The following SESTD1 variants were observed in gnomAD, a reference collection of about 807,000 sequenced individuals.
SESTD1 encodes the protein SEC14 domain and spectrin repeat-containing protein 1.
SESTD1 carries 43 observed loss-of-function variants against 101.7 expected under a neutral mutation model. The observed-to-expected ratio is 0.42, with a 90% CI of 0.33 to 0.55. The LOEUF is 0.55. SESTD1 is among the 20% of genes least tolerant of loss of function. The pLI is 0.07. For synonymous variants in SESTD1, 283 were observed against 286.8 expected (o/e 0.99, Z 0.13); for missense variants, 647 against 815.1 (o/e 0.79, Z 2.51).
chr2:179,140,873 C>T (rs1030120840), intron 9 of SESTD1, among the ~76,000 whole-genome samples: 6 of 152,272 alleles, frequency 3.9e-5, no homozygotes, highest in African/African-American at 7.2e-5. Flanking sequence ...TGCTTTCTTC[C>T]CTTGGTTTCC....
rs201362761 is a variant in SESTD1 at position 179,253,683 on chromosome 2, T to TA, written c.-26+10815dup. Among the ~76,000 whole-genome samples the TA allele has an allele frequency of 4.6e-3, 707 of 152,258 alleles. 2 individuals are homozygous for TA. Among genetic ancestry groups the TA allele is most frequent in the African/African-American group, 0.016 (680 of 41,554 alleles). ...TAAAAAGGATGGGAAATCATATGCA[T>TA]ATATATAAAATATTTCTGAAAGAAT... On this transcript the variant is annotated intron_variant, in intron 1 of 17. Coordinates refer to ENST00000428443, the MANE Select transcript of SESTD1 (RefSeq NM_178123.5).
intron 1 of SESTD1, among the ~76,000 whole-genome samples, chr2:179,252,040 A>G (rs1304964381): frequency 6.6e-6 from 1 of 152,242 alleles, no homozygotes; most frequent in East Asian, 1.9e-4. Flanking sequence ...AAAGTATTAC[A>G]GAGAAGAGCA....
rs2046718383 is a variant in SESTD1, at chr2:179,216,251, C to A, written c.-25-24385G>T. ...ATTTAGAAAACCCCACTGTCTCAGC[C>A]CAAAATCTCCTTAAGCTGATAAGCA... On this transcript the variant is annotated intron_variant, in intron 1 of 17. Transcript: ENST00000428443. Among the ~76,000 whole-genome samples, 6 of 134,918 alleles carry A rather than the reference C, an allele frequency of 4.4e-5. 2 individuals are homozygous for A. 88.5% of individuals were successfully genotyped at this position (134,918 alleles called of 152,430 possible). A position where few individuals can be genotyped will look rare whatever the true frequency, so the allele number is the denominator to read the frequency against.
intron 1 of SESTD1, among the ~76,000 whole-genome samples, chr2:179,232,921 A>G (rs558784727): frequency 6.6e-6 from 1 of 152,318 alleles, no homozygotes; most frequent in South Asian, 2.1e-4. Flanking sequence ...AGATGAGTGG[A>G]GAAGTGGTAG....
rs1355413229 is a variant in SESTD1 at position 179,117,580 on chromosome 2, C to T, written c.1476G>A (p.Lys492=). ...TAAACAACTGCACCATCTGAAGCAT[C>T]TTTAACCTTCGCACATCTACCATGT... is the stretch of plus-strand genomic sequence containing the variant. ...CEDMVDVRRL[K]MLQMVQLFKC... Residue 492 remains lysine, a synonymous_variant, in exon 14 of 18, where the codon AAG becomes AAA. Coordinates refer to ENST00000428443, the MANE Select transcript of SESTD1 (RefSeq NM_178123.5). 1.3e-6 allele frequency: 2 copies of T among 1,587,666 alleles called. No individual in the cohort carries two copies. The highest frequency in any genetic ancestry group is 1.7e-6 in the Non-Finnish European group (2 of 1,171,312).
At chr2:179,206,774 C>T (rs1214651785) in intron 1 of SESTD1, among the ~76,000 whole-genome samples, 1 of 134,200 alleles carries the variant, frequency 7.5e-6, no homozygotes, top group East Asian at 2.0e-4. Context: ...GAGAGCCCTG[C>T]TTGTTTTCTC....
chr2:179,220,518 G>A (rs1297057158), intron 1 of SESTD1, among the ~76,000 whole-genome samples: 1 of 152,106 alleles, frequency 6.6e-6, no homozygotes, highest in East Asian at 1.9e-4. Context: ...TACTGCCACA[G>A]TTCCCTTAGA....
intron 1 of SESTD1, among the ~76,000 whole-genome samples, chr2:179,218,753 C>T (rs551309755): frequency 1.1e-4 from 17 of 152,196 alleles, no homozygotes; most frequent in Admixed American, 6.5e-4. Context: ...AAAATAAAGG[C>T]AACCAAGGTG....
chr2:179,130,051 T>A (rs184151568), intron 10 of SESTD1, among the ~76,000 whole-genome samples: 1 of 152,286 alleles, frequency 6.6e-6, no homozygotes, highest in African/African-American at 2.4e-5. Flanking sequence ...AATCTCTTGA[T>A]AGCCATCAAT....
At chr2:179,186,424 A>G (rs1187255133) in intron 2 of SESTD1, among the ~76,000 whole-genome samples, 2 of 152,186 alleles carry the variant, frequency 1.3e-5, no homozygotes, top group African/African-American at 4.8e-5. Flanking sequence ...TGAACAGCAA[A>G]GAGTGAAAAC....
chr2:179,195,847 T>A (rs1276807312), intron 1 of SESTD1, among the ~76,000 whole-genome samples: 1 of 150,210 alleles, frequency 6.7e-6, no homozygotes, highest in East Asian at 1.9e-4. Flanking sequence ...AGGAAGGTTA[T>A]TTAAAAAAAA....
chr2:179,182,550 T>C (rs1028972054), intron 3 of SESTD1, among the ~76,000 whole-genome samples: 1 of 152,028 alleles, frequency 6.6e-6, no homozygotes, highest in African/African-American at 2.4e-5. Flanking sequence ...GTTGAAGTCA[T>C]GGGTAGACTA....
chr2:179,212,836 G>C (rs1014870185), intron 1 of SESTD1, among the ~76,000 whole-genome samples: 1 of 134,954 alleles, frequency 7.4e-6, no homozygotes, highest in Non-Finnish European at 1.6e-5. Flanking sequence ...GCCTCCGCTG[G>C]TGATACCCAG....
chr2:179,247,600 A>AT (rs67407067), intron 1 of SESTD1, among the ~76,000 whole-genome samples: 147,445 of 149,208 alleles, frequency 0.99, 72,856 homozygotes, highest in Middle Eastern at 1. Context: ...AATTTGTTAA[A>AT]TTTTTTTTTT....
chr2:179,233,979 G>C (rs2047023372), intron 1 of SESTD1, among the ~76,000 whole-genome samples: 1 of 152,114 alleles, frequency 6.6e-6, no homozygotes, highest in Non-Finnish European at 1.5e-5. Context: ...CCAGGTATTT[G>C]GTTAAACATT....
At chr2:179,159,832 A>G (rs2045701265) in intron 5 of SESTD1, among the ~76,000 whole-genome samples, 1 of 150,780 alleles carries the variant, frequency 6.6e-6, no homozygotes, top group Middle Eastern at 3.2e-3. Context: ...CCGGCAAAGA[A>G]GAAAAAAACA....
intron 1 of SESTD1, among the ~76,000 whole-genome samples, chr2:179,194,451 G>T (rs1279038190): frequency 6.6e-6 from 1 of 152,074 alleles, no homozygotes; most frequent in East Asian, 1.9e-4. Context: ...TTTCATGAAG[G>T]AATTTACAGG....
intron 3 of SESTD1, among the ~76,000 whole-genome samples, chr2:179,177,972 A>T (rs1575463825): frequency 6.6e-6 from 1 of 152,250 alleles, no homozygotes; most frequent in Non-Finnish European, 1.5e-5. Context: ...GAATGATTCC[A>T]TTTATATGAA....
rs1480230910 is a variant in SESTD1, at chr2:179,105,612, A to G, written c.*4287T>C. ...TCCCATGCTTGTCATGTGAGACAAC[A>G]GAAAGGATAAAGAATACTCTATTTT... On this transcript the variant is annotated 3_prime_UTR_variant, in exon 18 of 18. Coordinates refer to ENST00000428443, the MANE Select transcript of SESTD1 (RefSeq NM_178123.5). 1.3e-5 allele frequency: 2 copies of G among 152,208 alleles called. No individual in the cohort carries two copies. The highest frequency in any genetic ancestry group is 2.1e-4 in the South Asian group (1 of 4,838). The allele number at this position is 152,208 out of a possible 1,614,324, so 9.4% of individuals were successfully genotyped here.
Sources: allele counts gnomAD v4.1 joint callset (sites outside exome capture counted in the v4.1 genomes callset), GRCh38; gene constraint gnomAD v4.1.1; transcripts MANE v1.5; gene names NCBI Gene and HGNC (gene_info 2026-07-23, HGNC 2026-07-21).